Variants in LZTR1 observed in about 807,000 individuals in gnomAD.
LZTR1 encodes leucine zipper like post translational regulator 1, also known as leucine-zipper-like transcriptional regulator 1.
LZTR1 carries 260 observed loss-of-function variants against 105.7 expected under a neutral mutation model. The observed-to-expected ratio is 2.46, with a 90% CI of 2.22 to 2.72. The LOEUF (loss-of-function observed/expected upper bound fraction) is 2.72, where lower values mean the gene tolerates loss of function less well. Among genes scored for constraint, LZTR1 ranks in the 30% most tolerant of loss-of-function variants. The pLI is 0.00. For missense variants in LZTR1, 1,214 were observed against 1,166.9 expected (o/e 1.04, Z -0.59); for synonymous variants, 490 against 476.4 (o/e 1.03, Z -0.37).
At chr22:20,992,729 C>A in intron 10 of LZTR1, 65 bp from the exon 11 acceptor site, 1 of 1,099,308 alleles carries the variant, frequency 9.1e-7, no homozygotes, top group Non-Finnish European at 1.4e-6. Context: ...CCTTACCTGG[C>A]TGCACCAGCC....
At position 20,994,614 on chromosome 22, in the gene LZTR1, C is replaced by T. The variant is rs1207454395; in HGVS notation, c.1672C>T (p.Gln558Ter). The T allele has an allele frequency of 1.2e-6, 2 of 1,612,748 alleles. No individual in the cohort carries two copies. Among genetic ancestry groups the T allele is most frequent in the Non-Finnish European group, 1.7e-6 (2 of 1,179,976 alleles). Reference sequence around the variant, plus strand: ...TGTGTACAAACTGGCACTGAGCTTCCAGTTGTGCCGCCTGGAGCAGCTGTG... The same window carrying T: ...TGTGTACAAACTGGCACTGAGCTTCTAGTTGTGCCGCCTGGAGCAGCTGTG... ...MDVYKLALSFQLCRLEQLCRQ... is the reference protein window; with the variant it reads ...MDVYKLALSF Residue 558 changes from glutamine to a stop codon, truncating the protein, a stop_gained, in exon 15 of 21, where the codon CAG becomes TAG. Transcript: ENST00000646124. LOFTEE classifies it high-confidence loss of function.
chr22:20,992,183 G>A (rs764536075), intron 9 of LZTR1, 31 bp from the exon 10 acceptor site: 5 of 1,603,546 alleles, frequency 3.1e-6, no homozygotes, highest in Non-Finnish European at 4.3e-6. Context: ...CTTGCCAACT[G>A]GTCTCATGCC....
rs771083014 is a variant in LZTR1, at chr22:20,992,761, C to T, written c.1150-33C>T. On this transcript the variant is annotated intron_variant, in intron 10 of 20. Coordinates refer to ENST00000646124, the MANE Select transcript of LZTR1 (RefSeq NM_006767.4). Reference sequence around the variant, plus strand: ...AGCCGCACTGTGGAGGCTCTGCTCCCCCACCATTCCACCCTGCCTTCTTGT... The same window carrying T: ...AGCCGCACTGTGGAGGCTCTGCTCCTCCACCATTCCACCCTGCCTTCTTGT... 6 of 1,355,518 alleles carry T rather than the reference C, an allele frequency of 4.4e-6. No individual in the cohort carries two copies. In the Middle Eastern group the frequency reaches 5.3e-4, roughly 121 times the overall value. 84.0% of individuals were successfully genotyped at this position (1,355,518 alleles called of 1,614,324 possible).
chr22:20,991,048 G>C (rs1924590778), intron 8 of LZTR1: 1 of 162,842 alleles, frequency 6.1e-6, no homozygotes, highest in African/African-American at 2.4e-5. Context: ...GGAGCCCCAG[G>C]ATGAGGGAAA....
Position 20,990,581 on chromosome 22 carries a change from C to A in LZTR1, c.791+56C>A, listed in dbSNP as rs563121900. On this transcript the variant is annotated intron_variant, in intron 8 of 20. Transcript: ENST00000646124. ...GGACGGTCAGTTCCCTCGAATCCTT[C>A]TGAATATGAAGAACGCCTCTTGCAC... 1.5e-4 allele frequency: 230 copies of A among 1,540,386 alleles called. 4 individuals carry two copies. The South Asian group carries it at 2.8e-3, about 18-fold the overall frequency.
rs771349303 is a variant in LZTR1 at position 20,985,929 on chromosome 22, T to G, written c.320+32T>G. 7.5e-6 allele frequency: 12 copies of G among 1,609,752 alleles called. No individual in the cohort carries two copies. The Admixed American group carries it at 1.7e-4, about 22-fold the overall frequency. On this transcript the variant is annotated intron_variant, in intron 3 of 20. Coordinates refer to ENST00000646124, the MANE Select transcript of LZTR1 (RefSeq NM_006767.4). ...GGCCCCGTGCTCCAGGGCCCTGCCTTTCCTCCTAGAACACAGTGGCACAGT... is the reference window on the plus strand; with the variant it reads ...GGCCCCGTGCTCCAGGGCCCTGCCTGTCCTCCTAGAACACAGTGGCACAGT...
chr22:20,997,016 C>A, intron 20 of LZTR1, 50 bp downstream of exon 20: 1 of 1,583,266 alleles, frequency 6.3e-7, no homozygotes, highest in Non-Finnish European at 8.7e-7. Context: ...TGGCAGTGGC[C>A]ATGCCCAGGC....
At position 20,988,838 on chromosome 22, in the gene LZTR1, C is replaced by T; in HGVS notation, c.559C>T (p.Leu187=). Reference sequence around the variant, plus strand: ...TGGGGCCACGGTGTACAGTGACAAGCTGTGGATCTTTGCTGGCTATGACGG... The same window carrying T: ...TGGGGCCACGGTGTACAGTGACAAGTTGTGGATCTTTGCTGGCTATGACGG... ...AHGATVYSDK[L]WIFAGYDGNA... is the part of the protein sequence containing the mutation. The change falls in exon 6 of 21, where the codon CTG becomes TTG. Residue 187 remains leucine, a synonymous_variant. Transcript: ENST00000646124. 1 of 1,614,164 alleles carries T rather than the reference C, an allele frequency of 6.2e-7. No individual in the cohort carries two copies. The highest frequency in any genetic ancestry group is 8.5e-7 in the Non-Finnish European group (1 of 1,180,020).
rs751597202 is a variant in LZTR1, at chr22:20,993,954, A to G, written c.1384A>G (p.Ile462Val). The G allele has an allele frequency of 1.9e-5, 31 of 1,612,736 alleles. No individual in the cohort carries two copies. The highest frequency in any genetic ancestry group is 1.0e-4 in the Admixed American group (6 of 59,972). Residue 462 changes from isoleucine to valine, a missense_variant, in exon 13 of 21, where the codon ATT becomes GTT. Coordinates refer to ENST00000646124, the MANE Select transcript of LZTR1 (RefSeq NM_006767.4). ...KEECVQGHVAIVTARSRWLRR... is the reference protein window; with the variant it reads ...KEECVQGHVAVVTARSRWLRR... ...GGAGTGCGTGCAGGGCCACGTAGCC[A>G]TTGTCACAGCGCGGAGCCGCTGGCT...
Position 20,987,530 on chromosome 22 carries a change from C to T in LZTR1, c.347C>T (p.Ala116Val), listed in dbSNP as rs1215353050. ...CRAFTTGTPP[A>V]PRYHHSAVVY... ...GCCTTTACCACTGGGACCCCACCGG[C>T]CCCCCGTTACCACCACTCGGCCGTC... The change falls in exon 4 of 21, where the codon GCC becomes GTC. Residue 116 changes from alanine to valine, a missense_variant. Transcript: ENST00000646124. The T allele has an allele frequency of 1.2e-6, 2 of 1,613,752 alleles. No homozygotes were observed. Among genetic ancestry groups the T allele is most frequent in the East Asian group, 2.2e-5 (1 of 44,880 alleles).
rs1358002249 is a variant in LZTR1, at chr22:20,992,743, C to G, written c.1150-51C>G. 4.2e-6 allele frequency: 5 copies of G among 1,200,312 alleles called. No individual in the cohort carries two copies. In the East Asian group the frequency reaches 1.3e-4, roughly 30 times the overall value. The allele number at this position is 1,200,312 out of a possible 1,614,324, so 74.4% of individuals were successfully genotyped here. On this transcript the variant is annotated intron_variant, in intron 10 of 20. Transcript: ENST00000646124. ...GCCTTACCTGGCTGCACCAGCCGCA[C>G]TGTGGAGGCTCTGCTCCCCCACCAT...
chr22:20,987,437 A>G, intron 3 of LZTR1, 67 bp from the exon 4 acceptor site: 1 of 857,048 alleles, frequency 1.2e-6, no homozygotes, highest in Non-Finnish European at 2.0e-6. Flanking sequence ...ATGCAGGGCC[A>G]CCCTGTGGGG....
At chr22:20,992,938 G>T in intron 11 of LZTR1, 34 bp downstream of exon 11, 1 of 1,418,834 alleles carries the variant, frequency 7.0e-7, no homozygotes, top group African/African-American at 1.4e-5. Flanking sequence ...AGCCGGCTGG[G>T]TGGACGGATC....
intron 20 of LZTR1, 102 bp from the exon 21 acceptor site, chr22:20,997,130 C>T (rs1422674548): frequency 1.8e-6 from 2 of 1,119,670 alleles, no homozygotes; most frequent in South Asian, 2.6e-5. Flanking sequence ...TCCTTGGGAC[C>T]AGCCTGAGCC....
chr22:20,992,429 C>T, intron 10 of LZTR1, 60 bp downstream of exon 10: 2 of 1,524,160 alleles, frequency 1.3e-6, no homozygotes, highest in African/African-American at 1.4e-5. Flanking sequence ...CTGTGATCAA[C>T]ACCTCTCACA....
intron 7 of LZTR1, among the ~76,000 whole-genome samples, 164 bp from the exon 8 acceptor site, chr22:20,990,222 G>A (rs1160386630): frequency 6.6e-6 from 1 of 152,202 alleles, no homozygotes; most frequent in Non-Finnish European, 1.5e-5. Context: ...GCCCCGTGAA[G>A]TGGATGAGAC....
At chr22:20,992,079 T>C in intron 9 of LZTR1, 135 bp from the exon 10 acceptor site, 1 of 900,142 alleles carries the variant, frequency 1.1e-6, no homozygotes, top group Non-Finnish European at 1.7e-6. Flanking sequence ...GCTGCAGACC[T>C]TTCCTGGGAA....
Position 20,988,828 on chromosome 22 carries a change from C to T in LZTR1, c.549C>T (p.Tyr183=). The change falls in exon 6 of 21, where the codon TAC becomes TAT. Residue 183 remains tyrosine, a synonymous_variant. Coordinates refer to ENST00000646124, the MANE Select transcript of LZTR1 (RefSeq NM_006767.4). ...GGTCAGCCCATGGGGCCACGGTGTA[C>T]AGTGACAAGCTGTGGATCTTTGCTG... The part of the protein sequence containing the change: ...VARSAHGATV[Y]SDKLWIFAGY... The T allele has an allele frequency of 1.2e-6, 2 of 1,614,098 alleles. No individual in the cohort carries two copies. The highest frequency in any genetic ancestry group is 1.7e-6 in the Non-Finnish European group (2 of 1,180,016).
In LZTR1 at chr22:20,983,003, C is replaced by T. The variant is rs762431636; in HGVS notation, c.201-24C>T. 5.0e-6 allele frequency: 8 copies of T among 1,610,810 alleles called. No individual in the cohort carries two copies. In the Admixed American group the frequency reaches 6.7e-5, roughly 13 times the overall value. On this transcript the variant is annotated intron_variant, in intron 1 of 20. Transcript: ENST00000646124. ...CCCCCCAGGAGGGTCCTGTCCTTAC[C>T]GCCCTCCACTCCTTTCTTTCCAGGC...
Sources: allele counts gnomAD v4.1 joint callset (sites outside exome capture counted in the v4.1 genomes callset), GRCh38; gene constraint gnomAD v4.1.1; transcripts MANE v1.5; gene names NCBI Gene and HGNC (gene_info 2026-07-23, HGNC 2026-07-21).